The following PFKP variants were observed in gnomAD, a reference collection of about 807,000 sequenced individuals.
PFKP encodes phosphofructokinase, platelet, also known as ATP-dependent 6-phosphofructokinase, platelet type.
In PFKP, 101 loss-of-function variants were observed where a neutral mutation model predicts 94.3. That is an observed-to-expected ratio of 1.07 (90% confidence interval 0.91 to 1.26). PFKP has a LOEUF of 1.26. Among genes scored for constraint, PFKP ranks in the 50% most tolerant of loss-of-function variants. The pLI, the probability that PFKP is intolerant of heterozygous loss-of-function variation, is 0.00. For synonymous variants in PFKP, 573 were observed against 432.6 expected (o/e 1.32, Z -4.03); for missense variants, 1,145 against 1,103.3 (o/e 1.04, Z -0.53).
At chr10:3,118,518 T>G (rs1837057376) in intron 14 of PFKP, among the ~76,000 whole-genome samples, 1 of 152,220 alleles carries the variant, frequency 6.6e-6, no homozygotes, top group South Asian at 2.1e-4. Context: ...TTTTTTCTAA[T>G]GGGGCAGTAG....
chr10:3,119,584 C>A (rs530652860), intron 15 of PFKP, among the ~76,000 whole-genome samples: 3 of 145,390 alleles, frequency 2.1e-5, no homozygotes, highest in African/African-American at 7.7e-5. Context: ...CAGCCTGGGC[C>A]ACAAAGCGAG....
rs1427710951 is a variant in PFKP, at chr10:3,069,352, C to T, written c.112+1645C>T. Reference sequence around the variant, plus strand: ...AACAGGAGAGTGAAGTGGAAATAGCCTGGCCCGCGTGACTTAAACCGGCCC... The same window carrying T: ...AACAGGAGAGTGAAGTGGAAATAGCTTGGCCCGCGTGACTTAAACCGGCCC... On this transcript the variant is annotated intron_variant, in intron 1 of 21. Coordinates refer to ENST00000381125, the MANE Select transcript of PFKP (RefSeq NM_002627.5). 7 of 1,588,204 alleles carry T rather than the reference C, an allele frequency of 4.4e-6. No homozygotes were observed. In the Admixed American group the frequency reaches 7.1e-5, roughly 16 times the overall value.
intron 17 of PFKP, among the ~76,000 whole-genome samples, chr10:3,130,729 T>C (rs7896922): frequency 0.15 from 22,652 of 152,048 alleles, 1,754 homozygotes; most frequent in African/African-American, 0.19. Flanking sequence ...CCAGCTAATT[T>C]TGTATTTTTA....
rs1219831158 is a variant in PFKP at position 3,130,073 on chromosome 10, C to A, written c.1848+90C>A. 7 of 1,232,684 alleles carry A rather than the reference C, an allele frequency of 5.7e-6. No homozygotes were observed. In the South Asian group the frequency reaches 9.0e-5, roughly 16 times the overall value. The allele number at this position is 1,232,684 out of a possible 1,614,324, so 76.4% of individuals were successfully genotyped here. ...CATCGTGTCTAGGGTGGTTTGCTTT[C>A]CAAGGGGCATGGAGATGGAGATGCT... On this transcript the variant is annotated intron_variant, in intron 17 of 21. Coordinates refer to ENST00000381125, the MANE Select transcript of PFKP (RefSeq NM_002627.5).
At chr10:3,081,554 C>T (rs1307290357) in intron 1 of PFKP, among the ~76,000 whole-genome samples, 1 of 152,200 alleles carries the variant, frequency 6.6e-6, no homozygotes, top group Non-Finnish European at 1.5e-5. Flanking sequence ...GTGGGTGCGG[C>T]CCTCGTGCCT....
chr10:3,124,432 C>T (rs11591441), intron 16 of PFKP, among the ~76,000 whole-genome samples: 32,221 of 152,188 alleles, frequency 0.21, 3,538 homozygotes, highest in South Asian at 0.26. Context: ...TTTCTGATAC[C>T]GGAGCGCATT....
In PFKP at chr10:3,094,462, T is replaced by C. The variant is rs554125937; in HGVS notation, c.187-4813T>C. On this transcript the variant is annotated intron_variant, in intron 2 of 21. Transcript: ENST00000381125. ...TCCTGAGGCTGCTCTATAGAAATTT[T>C]CTATCAAGTAATGAAATCAGTGAGG... Among the ~76,000 whole-genome samples the C allele has an allele frequency of 5.9e-5, 9 of 152,328 alleles. No individual in the cohort carries two copies. In the East Asian group the frequency reaches 1.7e-3, roughly 29 times the overall value.
intron 3 of PFKP, chr10:3,100,999 T>A: frequency 1.2e-6 from 2 of 1,611,074 alleles, no homozygotes; most frequent in Non-Finnish European, 1.7e-6. Flanking sequence ...CATGCTCTGG[T>A]GGTCAGTGGG....
chr10:3,082,049 C>G (rs193064102), intron 1 of PFKP, among the ~76,000 whole-genome samples: 1 of 121,314 alleles, frequency 8.2e-6, no homozygotes, highest in Admixed American at 1.1e-4. Flanking sequence ...TTTTTCATCT[C>G]CTTCTCAAAT....
chr10:3,104,783 G>C lies in PFKP; in HGVS notation c.621-332G>C, dbSNP rs561514543. The C allele has an allele frequency of 1.6e-4, 65 of 407,048 alleles. No individual in the cohort carries two copies. In the East Asian group the frequency reaches 3.5e-3, roughly 22 times the overall value. 25.2% of individuals were successfully genotyped at this position (407,048 alleles called of 1,614,324 possible). A position where few individuals can be genotyped will look rare whatever the true frequency, so the allele number is the denominator to read the frequency against. Reference sequence around the variant, plus strand: ...CAGCAGCTGCCGACTGTGCCCAATAGAGAAGGTATCTGGGAAAGAGCCCAG... The same window carrying C: ...CAGCAGCTGCCGACTGTGCCCAATACAGAAGGTATCTGGGAAAGAGCCCAG... On this transcript the variant is annotated intron_variant, in intron 5 of 21. Transcript: ENST00000381125.
In PFKP at chr10:3,101,394, C is replaced by A; in HGVS notation, c.294C>A (p.Cys98Ter). 6.3e-7 allele frequency: 1 copy of A among 1,598,704 alleles called. No homozygotes were observed. ...GGACGATCATTGGCAGTGCGCGGTG[C>A]CAGGCCTTCCGCACGCGGGAAGGCC... is the stretch of plus-strand genomic sequence containing the variant. ...VGGTIIGSAR[C>*]QAFRTREGRL... Residue 98 changes from cysteine (C) to a stop codon, truncating the protein, a stop_gained, in exon 4 of 22, where the codon TGC becomes TGA. Coordinates refer to ENST00000381125, the MANE Select transcript of PFKP (RefSeq NM_002627.5). LOFTEE classifies it high-confidence loss of function.
In PFKP at chr10:3,103,861, C is replaced by A. The variant is rs61760977; in HGVS notation, c.537C>A (p.Cys179Ter). ...TGGGCTCCATCGACAATGATTTCTG[C>A]GGCACCGACATGACCATCGGCACGG... is the stretch of plus-strand genomic sequence containing the variant. Reference protein sequence around the residue: ...GMVGSIDNDFCGTDMTIGTDS... With the variant: ...GMVGSIDNDF Residue 179 changes from cysteine to a stop codon, truncating the protein, a stop_gained, in exon 5 of 22, where the codon TGC becomes TGA. Transcript: ENST00000381125. LOFTEE classifies it high-confidence loss of function. 1 of 1,613,958 alleles carries A rather than the reference C, an allele frequency of 6.2e-7. No individual in the cohort carries two copies. The highest frequency in any genetic ancestry group is 8.5e-7 in the Non-Finnish European group (1 of 1,179,996).
At chr10:3,093,638 CTTTTTT>C (rs765547765) in intron 2 of PFKP, among the ~76,000 whole-genome samples, 5 of 94,054 alleles carry the variant, frequency 5.3e-5, no homozygotes, top group Admixed American at 2.5e-4. Flanking sequence ...CAAGCATTAT[CTTTTTT>C]TTTTTTTTTT....
chr10:3,119,764 G>GGTTGC, intron 15 of PFKP, 128 bp from the exon 16 acceptor site: 1 of 657,908 alleles, frequency 1.5e-6, no homozygotes, highest in South Asian at 2.0e-5. Flanking sequence ...TGATCTCGGA[G>GGTTGC]TGTTTTCGTG....
intron 2 of PFKP, among the ~76,000 whole-genome samples, chr10:3,090,117 T>A (rs1254852016): frequency 6.6e-6 from 1 of 152,180 alleles, no homozygotes; most frequent in Non-Finnish European, 1.5e-5. Context: ...TGTATCAAGA[T>A]GTGGAATCAG....
Position 3,083,975 on chromosome 10 carries a change from G to A in PFKP, c.186+1514G>A, listed in dbSNP as rs114194380. 5.4e-3 allele frequency among the ~76,000 whole-genome samples: 828 copies of A among 152,304 alleles called. 6 individuals carry two copies. Among genetic ancestry groups the A allele is most frequent in the African/African-American group, 0.019 (792 of 41,552 alleles). ...GCTTTAAATGTCAACATACTGTCTT[G>A]TTGAATTGATGTCTCATCATTTATG... On this transcript the variant is annotated intron_variant, in intron 2 of 21. Transcript: ENST00000381125.
At chr10:3,135,100 G>A (rs1040344570) in intron 20 of PFKP, among the ~76,000 whole-genome samples, 1 of 152,164 alleles carries the variant, frequency 6.6e-6, no homozygotes, top group Non-Finnish European at 1.5e-5. Context: ...CAAGAAACAT[G>A]ACTTTTTTAT....
At position 3,082,473 on chromosome 10, in the gene PFKP, C is replaced by A. The variant is rs762929930; in HGVS notation, c.186+12C>A. On this transcript the variant is annotated intron_variant, in intron 2 of 21. Coordinates refer to ENST00000381125, the MANE Select transcript of PFKP (RefSeq NM_002627.5). ...ACTTCATCTACGAGGTCAGTGTCTGCCCCTCACCCCCTGTCGCCCTTCTTC... is the reference window on the plus strand; with the variant it reads ...ACTTCATCTACGAGGTCAGTGTCTGACCCTCACCCCCTGTCGCCCTTCTTC... 2 of 1,589,592 alleles carry A rather than the reference C, an allele frequency of 1.3e-6. No homozygotes were observed. The highest frequency in any genetic ancestry group is 3.4e-5 in the Admixed American group (2 of 58,702).
chr10:3,073,919 C>T (rs376692083), intron 1 of PFKP, among the ~76,000 whole-genome samples: 2 of 152,132 alleles, frequency 1.3e-5, no homozygotes, highest in Non-Finnish European at 2.9e-5. Flanking sequence ...CTCACTGCAA[C>T]CTCCGCCTCC....
Sources: allele counts gnomAD v4.1 joint callset (sites outside exome capture counted in the v4.1 genomes callset), GRCh38; gene constraint gnomAD v4.1.1; transcripts MANE v1.5; gene names NCBI Gene and HGNC (gene_info 2026-07-23, HGNC 2026-07-21).